The following ESRRG variants were observed in gnomAD, a reference collection of about 807,000 sequenced individuals.
The protein encoded by ESRRG is estrogen related receptor gamma.
In ESRRG, 13 loss-of-function variants were observed where a neutral mutation model predicts 44.0. The observed-to-expected ratio is 0.30, with a 90% CI of 0.19 to 0.47. The LOEUF (loss-of-function observed/expected upper bound fraction) is 0.47, where lower values mean the gene tolerates loss of function less well. Ranked by LOEUF, ESRRG falls within the 20% of genes least tolerant of loss-of-function variation. ESRRG has a pLI of 1.00. For missense variants in ESRRG, 395 were observed against 580.6 expected, an observed-to-expected ratio of 0.68 and a Z score of 3.29; for synonymous variants, 215 against 214.6, an observed-to-expected ratio of 1.00 and a Z score of -0.02.
At chr1:216,796,487 C>A (rs1219070793) in intron 2 of ESRRG, among the ~76,000 whole-genome samples, 1 of 152,192 alleles carries the variant, frequency 6.6e-6, no homozygotes, top group Non-Finnish European at 1.5e-5. Context: ...ATCTTTGCAT[C>A]TAAGGATTGC....
At chr1:216,669,383 AC>A (rs1466081143) in intron 2 of ESRRG, among the ~76,000 whole-genome samples, 1 of 152,194 alleles carries the variant, frequency 6.6e-6, no homozygotes, top group East Asian at 1.9e-4. Context: ...GTTTTAGGAC[AC>A]CCATTCATAT....
intron 1 of ESRRG, among the ~76,000 whole-genome samples, chr1:216,706,264 T>TG (rs1447123396): frequency 1.4e-5 from 2 of 140,582 alleles, no homozygotes; most frequent in Non-Finnish European, 3.1e-5. Flanking sequence ...ATGGCGGGGG[T>TG]GGGGGGCTGG....
intron 3 of ESRRG, among the ~76,000 whole-genome samples, chr1:216,596,767 A>T (rs935488658): frequency 1.3e-5 from 2 of 152,072 alleles, no homozygotes; most frequent in African/African-American, 4.8e-5. Context: ...ACTAAATTTA[A>T]TTTTTTTGCA....
chr1:216,901,550 C>T (rs1415420339), intron 2 of ESRRG, among the ~76,000 whole-genome samples: 1 of 151,864 alleles, frequency 6.6e-6, no homozygotes, highest in Admixed American at 6.6e-5. Flanking sequence ...TAAAGTTTTT[C>T]TGTAGGAACA....
intron 2 of ESRRG, among the ~76,000 whole-genome samples, chr1:216,800,962 C>T (rs2094596341): frequency 6.6e-6 from 1 of 152,016 alleles, no homozygotes; most frequent in African/African-American, 2.4e-5. Context: ...CAATGATATT[C>T]ATTCAATTTC....
intron 4 of ESRRG, among the ~76,000 whole-genome samples, chr1:216,565,412 C>A (rs528272811): frequency 6.6e-6 from 1 of 152,082 alleles, no homozygotes; most frequent in Admixed American, 6.6e-5. Flanking sequence ...TGTAGAAAAC[C>A]AGGACTTTAA....
intron 1 of ESRRG, among the ~76,000 whole-genome samples, chr1:217,009,193 C>G (rs1057343800): frequency 8.5e-5 from 13 of 152,142 alleles, no homozygotes; most frequent in African/African-American, 2.7e-4. Context: ...GTATTACCCC[C>G]TTACCGCTCT....
chr1:216,989,217 C>A (rs1433532011), intron 1 of ESRRG, among the ~76,000 whole-genome samples: 1 of 151,702 alleles, frequency 6.6e-6, no homozygotes, highest in Non-Finnish European at 1.5e-5. Context: ...GAGGCTGAGG[C>A]GGGTGGATTG....
intron 3 of ESRRG, among the ~76,000 whole-genome samples, chr1:216,612,625 C>T (rs1040102032): frequency 6.6e-6 from 1 of 152,246 alleles, no homozygotes; most frequent in Middle Eastern, 3.4e-3. Context: ...AGGAAGAATC[C>T]ATATAATCTG....
At chr1:216,541,611 T>A (rs200200344) in intron 5 of ESRRG, among the ~76,000 whole-genome samples, 1,822 of 148,702 alleles carry the variant, frequency 0.012, 16 homozygotes, top group African/African-American at 0.021. Flanking sequence ...TGTGTGTATG[T>A]GATCAGCTAT....
intron 2 of ESRRG, among the ~76,000 whole-genome samples, chr1:216,834,697 C>T (rs908276090): frequency 1.3e-5 from 2 of 152,082 alleles, no homozygotes; most frequent in South Asian, 2.1e-4. Flanking sequence ...AATTGGGTAT[C>T]GCATGCATAG....
intron 1 of ESRRG, among the ~76,000 whole-genome samples, chr1:216,682,508 C>A (rs1330261088): frequency 6.6e-6 from 1 of 152,042 alleles, no homozygotes; most frequent in African/African-American, 2.4e-5. Flanking sequence ...AAGAAGAGTC[C>A]TCAGCTCCTC....
intron 2 of ESRRG, among the ~76,000 whole-genome samples, chr1:216,900,862 C>T (rs1403483554): frequency 6.6e-6 from 1 of 152,130 alleles, no homozygotes; most frequent in Non-Finnish European, 1.5e-5. Context: ...TCGTGAATCT[C>T]AGATAATGAC....
In ESRRG at chr1:216,549,927, C is replaced by T. The variant is rs11572798; in HGVS notation, c.862+14292G>A. On this transcript the variant is annotated intron_variant, in intron 5 of 6. Coordinates refer to ENST00000408911, the MANE Select transcript of ESRRG (RefSeq NM_001438.4). ...AGAAGATTGGAGCTGGCACTGCCAG[C>T]AGTTTCTGATGGGAGAGAGCATATG... Among the ~76,000 whole-genome samples the T allele has an allele frequency of 7.0e-3, 1,070 of 152,152 alleles. 17 individuals are homozygous for T. Among genetic ancestry groups the T allele is most frequent in the African/African-American group, 0.022 (930 of 41,516 alleles).
At chr1:216,782,796 T>C (rs1156404117) in intron 2 of ESRRG, among the ~76,000 whole-genome samples, 1 of 152,062 alleles carries the variant, frequency 6.6e-6, no homozygotes, top group Non-Finnish European at 1.5e-5. Flanking sequence ...AAAATAGCTT[T>C]ACAGTAAACA....
intron 2 of ESRRG, among the ~76,000 whole-genome samples, chr1:216,770,274 G>C (rs1056396327): frequency 2.0e-5 from 3 of 152,198 alleles, no homozygotes; most frequent in African/African-American, 7.2e-5. Context: ...AGTACCCTGT[G>C]ATAGAGATGA....
chr1:216,993,023 A>G (rs926689825), intron 1 of ESRRG, among the ~76,000 whole-genome samples: 6 of 152,162 alleles, frequency 3.9e-5, no homozygotes, highest in Admixed American at 6.5e-5. Context: ...TCAATTGTTT[A>G]CTAGGTTTAG....
intron 2 of ESRRG, among the ~76,000 whole-genome samples, chr1:216,827,568 T>G (rs1465821183): frequency 6.6e-6 from 1 of 152,224 alleles, no homozygotes; most frequent in African/African-American, 2.4e-5. Flanking sequence ...TCTCTAGCTA[T>G]CCATAATTTT....
intron 2 of ESRRG, among the ~76,000 whole-genome samples, chr1:216,918,184 A>G (rs1305806405): frequency 6.6e-6 from 1 of 152,302 alleles, no homozygotes; most frequent in East Asian, 1.9e-4. Context: ...GGGACAGTTA[A>G]TTTTGTTTAC....
Sources: gnomAD v4.1 joint callset for allele counts (sites outside exome capture counted in the v4.1 genomes callset) on GRCh38, gnomAD v4.1.1 for gene constraint, MANE v1.5 for transcripts, NCBI Gene and HGNC (gene_info 2026-07-23, HGNC 2026-07-21) for gene names.